The following KCNIP4 variants were observed in gnomAD, a reference collection of about 807,000 sequenced individuals.
The protein encoded by KCNIP4 is Kv channel-interacting protein 4.
KCNIP4 carries 12 observed loss-of-function variants against 34.0 expected under a neutral mutation model. That is an observed-to-expected ratio of 0.35 (90% CI 0.23 to 0.57). The LOEUF (loss-of-function observed/expected upper bound fraction) is 0.57, where lower values mean the gene tolerates loss of function less well. Among genes scored for constraint, KCNIP4 ranks in the 20% least tolerant of loss-of-function variants. KCNIP4 has a pLI of 0.83. For synonymous variants in KCNIP4, 124 were observed against 102.2 expected, an observed-to-expected ratio of 1.21 and a Z score of -1.29; for missense variants, 238 against 311.7, an observed-to-expected ratio of 0.76 and a Z score of 1.78.
At chr4:21,586,791 G>T (rs1318720468) in intron 1 of KCNIP4, among the ~76,000 whole-genome samples, 2 of 151,946 alleles carry the variant, frequency 1.3e-5, no homozygotes, top group Non-Finnish European at 2.9e-5. Flanking sequence ...ATAACCCCTG[G>T]ATTCTTCCAT....
At chr4:21,929,042 T>C (rs1729423020) in intron 1 of KCNIP4, among the ~76,000 whole-genome samples, 1 of 152,122 alleles carries the variant, frequency 6.6e-6, no homozygotes, top group Non-Finnish European at 1.5e-5. Flanking sequence ...AGGAGTAAAC[T>C]ATATCCACGA....
chr4:21,828,855 A>G (rs1722819430), intron 1 of KCNIP4, among the ~76,000 whole-genome samples: 1 of 152,006 alleles, frequency 6.6e-6, no homozygotes, highest in Admixed American at 6.6e-5. Flanking sequence ...AATAATAACA[A>G]ATATTTTTAA....
chr4:20,838,911 G>A (rs1473789293), intron 3 of KCNIP4, among the ~76,000 whole-genome samples: 2 of 152,134 alleles, frequency 1.3e-5, no homozygotes, highest in Non-Finnish European at 2.9e-5. Flanking sequence ...TACATAAGTT[G>A]TTTTTAAAAA....
chr4:21,631,073 C>T (rs761565371), intron 1 of KCNIP4, among the ~76,000 whole-genome samples: 2 of 152,164 alleles, frequency 1.3e-5, no homozygotes, highest in South Asian at 4.1e-4. Flanking sequence ...GGAAAATGTA[C>T]TACCTCTGTA....
chr4:21,207,500 T>C (rs1330074560), intron 1 of KCNIP4, among the ~76,000 whole-genome samples: 1 of 152,226 alleles, frequency 6.6e-6, no homozygotes, highest in African/African-American at 2.4e-5. Flanking sequence ...TATGTACATG[T>C]CTGCAGCAAG....
chr4:21,122,555 T>C (rs1208325284), intron 1 of KCNIP4, among the ~76,000 whole-genome samples: 4 of 151,548 alleles, frequency 2.6e-5, no homozygotes, highest in Non-Finnish European at 4.4e-5. Context: ...CCAGTGGAAA[T>C]GGAAATGGTA....
chr4:21,574,720 G>A (rs901623980), intron 1 of KCNIP4, among the ~76,000 whole-genome samples: 3 of 152,122 alleles, frequency 2.0e-5, no homozygotes, highest in Non-Finnish European at 4.4e-5. Flanking sequence ...AAGACTAACA[G>A]AAGCTAAAAC....
At chr4:21,911,357 A>T (rs1024291675) in intron 1 of KCNIP4, among the ~76,000 whole-genome samples, 1 of 152,082 alleles carries the variant, frequency 6.6e-6, no homozygotes, top group Admixed American at 6.6e-5. Flanking sequence ...GGATTTACAA[A>T]GAAAAAGAAA....
At chr4:21,454,242 G>A (rs377602266) in intron 1 of KCNIP4, among the ~76,000 whole-genome samples, 2 of 152,204 alleles carry the variant, frequency 1.3e-5, no homozygotes, top group East Asian at 3.9e-4. Flanking sequence ...GCTGCTGAAC[G>A]AGGTGCTTTA....
chr4:21,030,541 C>A (rs1220524331), intron 1 of KCNIP4, among the ~76,000 whole-genome samples: 1 of 152,052 alleles, frequency 6.6e-6, no homozygotes, highest in Non-Finnish European at 1.5e-5. Context: ...GTCTCTGGTG[C>A]CAAAAAATGT....
chr4:21,127,769 C>T (rs1046316009), intron 1 of KCNIP4, among the ~76,000 whole-genome samples: 2 of 152,212 alleles, frequency 1.3e-5, no homozygotes, highest in Non-Finnish European at 2.9e-5. Context: ...TCTCTGTTTG[C>T]TTCAGTCCCA....
intron 1 of KCNIP4, among the ~76,000 whole-genome samples, chr4:21,712,300 T>C (rs1420765817): frequency 6.6e-6 from 1 of 152,192 alleles, no homozygotes; most frequent in Non-Finnish European, 1.5e-5. Flanking sequence ...CTGGCTTTAT[T>C]GTAAGTCAAG....
intron 1 of KCNIP4, among the ~76,000 whole-genome samples, chr4:20,895,152 A>G (rs1399544685): frequency 1.3e-5 from 2 of 152,156 alleles, no homozygotes; most frequent in East Asian, 3.9e-4. Context: ...CACTTATTGG[A>G]TGTGTCTAAT....
intron 1 of KCNIP4, among the ~76,000 whole-genome samples, chr4:21,557,237 C>A (rs1403257682): frequency 6.6e-6 from 1 of 152,010 alleles, no homozygotes; most frequent in African/African-American, 2.4e-5. Flanking sequence ...TAATATTCAT[C>A]GCTAGTAGAC....
At chr4:21,849,250 G>C (rs1240855538) in intron 1 of KCNIP4, 2 of 152,094 alleles carry the variant, frequency 1.3e-5, no homozygotes, top group Admixed American at 1.3e-4. Flanking sequence ...TGTGCAAAAA[G>C]AATAGGAGAG....
At chr4:21,201,881 T>C (rs997201925) in intron 1 of KCNIP4, among the ~76,000 whole-genome samples, 2 of 152,236 alleles carry the variant, frequency 1.3e-5, no homozygotes, top group Admixed American at 6.5e-5. Context: ...AAATACCTAA[T>C]GTGTGTGAAG....
intron 5 of KCNIP4, among the ~76,000 whole-genome samples, chr4:20,743,063 C>T (rs1364949153): frequency 7.3e-6 from 1 of 136,062 alleles, no homozygotes; most frequent in Admixed American, 7.4e-5. Flanking sequence ...TGTGAAGGAC[C>T]CTTATAAGTT....
rs1211813456 is a variant in KCNIP4 at position 21,586,862 on chromosome 4, A to G, written c.61+361709T>C. 2.0e-5 allele frequency among the ~76,000 whole-genome samples: 3 copies of G among 152,032 alleles called. No individual in the cohort carries two copies. In the East Asian group the frequency reaches 5.8e-4, roughly 29 times the overall value. ...GTGTGTGCTATTCTGAACTCAGGCT[A>G]TTTTTTAATTGGAATAAGGTATCAA... On this transcript the variant is annotated intron_variant, in intron 1 of 8. Transcript: ENST00000382152.
intron 1 of KCNIP4, among the ~76,000 whole-genome samples, chr4:21,687,093 C>T (rs1285831027): frequency 2.2e-5 from 3 of 139,518 alleles, no homozygotes; most frequent in Non-Finnish European, 4.6e-5. Context: ...ACCGCATATT[C>T]TCACTCATAG....
Sources: gnomAD v4.1 joint callset for allele counts (sites outside exome capture counted in the v4.1 genomes callset) on GRCh38, gnomAD v4.1.1 for gene constraint, MANE v1.5 for transcripts, NCBI Gene and HGNC (gene_info 2026-07-23, HGNC 2026-07-21) for gene names.